Variants in TENM3 observed in about 807,000 individuals in gnomAD.
TENM3 encodes the protein teneurin transmembrane protein 3.
TENM3 carries 63 observed loss-of-function variants against 255.1 expected under a neutral mutation model. The observed-to-expected ratio is 0.25, with a 90% confidence interval of 0.20 to 0.30. The LOEUF (loss-of-function observed/expected upper bound fraction) is 0.30. Among genes scored for constraint, TENM3 ranks in the 10% least tolerant of loss-of-function variants. The pLI, the probability that TENM3 is intolerant of heterozygous loss-of-function variation, is 1.00. For missense variants in TENM3, 2,929 were observed against 3,461.1 expected (o/e 0.85, Z 3.86); for synonymous variants, 1,306 against 1,322.3 (o/e 0.99, Z 0.27).
At chr4:181,724,180 T>G in the TENM3 span, among the ~76,000 whole-genome samples, 7 of 152,238 alleles carry the variant, frequency 4.6e-5, no homozygotes, top group South Asian at 1.0e-3. Flanking sequence ...CTTTTCCAAC[T>G]GCTGGTTTTG....
At chr4:182,007,916 C>G in the TENM3 span, among the ~76,000 whole-genome samples, 1 of 152,152 alleles carries the variant, frequency 6.6e-6, no homozygotes, top group Non-Finnish European at 1.5e-5. Flanking sequence ...CAGGCCAGAC[C>G]TGGTGGTAAC....
intron 1 of TENM3, among the ~76,000 whole-genome samples, chr4:182,250,722 G>T (rs1352873911): frequency 6.6e-6 from 1 of 152,136 alleles, no homozygotes; most frequent in Non-Finnish European, 1.5e-5. Context: ...CTGGCTAACC[G>T]CATTTTTCCA....
At chr4:182,705,309 C>G (rs1034202451) in intron 12 of TENM3, among the ~76,000 whole-genome samples, 16 of 152,138 alleles carry the variant, frequency 1.1e-4, no homozygotes, top group African/African-American at 3.9e-4. Context: ...ATGAAATGCT[C>G]AATGCTAACT....
At chr4:181,976,748 G>T in the TENM3 span, among the ~76,000 whole-genome samples, 1 of 152,282 alleles carries the variant, frequency 6.6e-6, no homozygotes, top group East Asian at 1.9e-4. Context: ...CTAAAGATAT[G>T]AATTTGGGAG....
At chr4:182,641,710 A>C (rs1752330174) in intron 5 of TENM3, among the ~76,000 whole-genome samples, 1 of 152,138 alleles carries the variant, frequency 6.6e-6, no homozygotes, top group African/African-American at 2.4e-5. Flanking sequence ...TGATTGTAGC[A>C]GAGGCGGCGT....
chr4:182,601,652 A>G (rs1188044865), intron 4 of TENM3, among the ~76,000 whole-genome samples: 1 of 152,180 alleles, frequency 6.6e-6, no homozygotes, highest in Non-Finnish European at 1.5e-5. Flanking sequence ...TGTTAAGGAT[A>G]TTGTAGTTTC....
At chr4:181,679,430 T>G in the TENM3 span, among the ~76,000 whole-genome samples, 1 of 152,152 alleles carries the variant, frequency 6.6e-6, no homozygotes, top group Admixed American at 6.6e-5. Flanking sequence ...AACCTTCTTC[T>G]TAACATATCG....
chr4:181,632,156 G>A, the TENM3 span, among the ~76,000 whole-genome samples: 1 of 152,176 alleles, frequency 6.6e-6, no homozygotes, highest in Non-Finnish European at 1.5e-5. Flanking sequence ...TGGCTGGGGA[G>A]GCCTCAGGAA....
At chr4:181,677,595 G>A in the TENM3 span, among the ~76,000 whole-genome samples, 1 of 152,052 alleles carries the variant, frequency 6.6e-6, no homozygotes, top group African/African-American at 2.4e-5. Context: ...TGTGCTTTAA[G>A]TGCCTCCATT....
the TENM3 span, among the ~76,000 whole-genome samples, chr4:181,592,334 C>CT: frequency 0.098 from 13,447 of 137,180 alleles, 725 homozygotes; most frequent in Middle Eastern, 0.2. Context: ...CCATATGGCT[C>CT]TTTTTTTTTT....
the TENM3 span, among the ~76,000 whole-genome samples, chr4:181,733,923 A>C: frequency 6.6e-6 from 1 of 152,202 alleles, no homozygotes; most frequent in African/African-American, 2.4e-5. Context: ...TCTTTGAAAG[A>C]AAAAGTTCTT....
chr4:181,987,778 A>T, the TENM3 span, among the ~76,000 whole-genome samples: 1 of 150,884 alleles, frequency 6.6e-6, no homozygotes, highest in Non-Finnish European at 1.5e-5. Context: ...TTATATATAC[A>T]TATAGAGAGA....
At chr4:182,076,764 T>G in the TENM3 span, among the ~76,000 whole-genome samples, 1 of 152,146 alleles carries the variant, frequency 6.6e-6, no homozygotes, top group African/African-American at 2.4e-5. Context: ...TTTGGCTTTG[T>G]GGGCCCTGTG....
At chr4:182,676,505 C>G (rs947473526) in intron 7 of TENM3, among the ~76,000 whole-genome samples, 11 of 152,154 alleles carry the variant, frequency 7.2e-5, no homozygotes, top group African/African-American at 2.2e-4. Flanking sequence ...TCTCTATATT[C>G]CAATTACAGC....
At chr4:181,824,301 A>G in the TENM3 span, among the ~76,000 whole-genome samples, 2 of 149,286 alleles carry the variant, frequency 1.3e-5, no homozygotes, top group Middle Eastern at 3.2e-3. Flanking sequence ...GGGTTTTTCT[A>G]TGTCACCCAG....
At chr4:181,451,831 C>A in the TENM3 span, among the ~76,000 whole-genome samples, 1 of 152,108 alleles carries the variant, frequency 6.6e-6, no homozygotes. Flanking sequence ...GGCCAAAGAT[C>A]TTAATTTATA....
intron 3 of TENM3, among the ~76,000 whole-genome samples, chr4:182,367,751 ATAG>A (rs1173220318): frequency 6.6e-6 from 1 of 152,226 alleles, no homozygotes; most frequent in Non-Finnish European, 1.5e-5. Flanking sequence ...AGTTTGTGAA[ATAG>A]TAGATAGTAT....
chr4:181,920,427 T>G, the TENM3 span, among the ~76,000 whole-genome samples: 1 of 152,292 alleles, frequency 6.6e-6, no homozygotes. Flanking sequence ...ATTGCCATTC[T>G]AACTGGTGTG....
chr4:181,572,361 A>T, the TENM3 span, among the ~76,000 whole-genome samples: 1 of 152,214 alleles, frequency 6.6e-6, no homozygotes, highest in Non-Finnish European at 1.5e-5. Context: ...TTTGAGAAAC[A>T]TATGAAAAAT....
Sources: allele counts gnomAD v4.1 joint callset (sites outside exome capture counted in the v4.1 genomes callset), GRCh38; gene constraint gnomAD v4.1.1; transcripts MANE v1.5; gene names NCBI Gene and HGNC (gene_info 2026-07-23, HGNC 2026-07-21).